Variants in IQCB1 observed in about 807,000 individuals in gnomAD.
IQCB1 encodes IQ motif containing B1.
IQCB1 carries 56 observed loss-of-function variants against 84.4 expected under a neutral mutation model. The observed-to-expected ratio is 0.66, with a 90% CI of 0.54 to 0.83. IQCB1 has a LOEUF of 0.83. IQCB1 is among the 40% of genes least tolerant of loss of function. IQCB1 has a pLI of 0.00. For synonymous variants in IQCB1, 210 were observed against 234.8 expected (o/e 0.89, Z 0.96); for missense variants, 629 against 682.1 (o/e 0.92, Z 0.87).
chr3:121,788,162 A>G (rs1412699337), intron 12 of IQCB1, 122 bp downstream of exon 12: 9 of 988,994 alleles, frequency 9.1e-6, no homozygotes, highest in South Asian at 5.4e-5. Context: ...AAAAGAAAAA[A>G]CTAAGGCTCA....
intron 5 of IQCB1, among the ~76,000 whole-genome samples, chr3:121,816,677 G>C (rs1950072890): frequency 6.6e-6 from 1 of 152,128 alleles, no homozygotes; most frequent in African/African-American, 2.4e-5. Context: ...CATCATTACT[G>C]GTCACTAGAG....
rs1201020029 is a variant in IQCB1, at chr3:121,826,179, G to A, written c.265C>T (p.His89Tyr). ...TISQLTQILS[H>Y]CCVGLEPGED... ...CCTGGCTCCAAGCCCACACAGCAAT[G>A]GCTGAAATAAGAGCACAAGTTCGTG... The change falls in exon 5 of 15, where the codon CAT becomes TAT. Residue 89 changes from histidine (H) to tyrosine (Y), a missense_variant and splice_region_variant. By Grantham distance (83) the His-to-Tyr change is moderately conservative. Transcript: ENST00000310864. 1 of 1,613,618 alleles carries A rather than the reference G, an allele frequency of 6.2e-7. No individual in the cohort carries two copies. Among genetic ancestry groups the A allele is most frequent in the East Asian group, 2.2e-5 (1 of 44,864 alleles).
intron 10 of IQCB1, among the ~76,000 whole-genome samples, chr3:121,793,612 G>T (rs921910631): frequency 2.0e-5 from 3 of 152,144 alleles, no homozygotes; most frequent in Non-Finnish European, 2.9e-5. Context: ...AATCCAACAG[G>T]TTAGAACCGC....
chr3:121,799,207 GTACTTTGTCTCAGTAAAATCAAAATT>G lies in IQCB1; in HGVS notation c.729_754del (p.Glu243AspfsTer12), dbSNP rs773848660. 5 of 1,607,286 alleles carry G rather than the reference GTACTTTGTCTCAGTAAAATCAAAATT, an allele frequency of 3.1e-6. No individual in the cohort carries two copies. In the African/African-American group the frequency reaches 6.7e-5, roughly 22 times the overall value. ...AATGAATGTACTACCTTTGTAGCAG[GTACTTTGTCTCAGTAAAATCAAAATT>G]TCCTGATGGGATTCAGCCATCAACA... is the stretch of plus-strand genomic sequence containing the variant. On this transcript the variant is annotated frameshift_variant, in exon 8 of 15. Transcript: ENST00000310864. LOFTEE classifies it high-confidence loss of function.
At chr3:121,828,669 T>C in intron 3 of IQCB1, 37 bp from the exon 4 acceptor site, 1 of 1,440,468 alleles carries the variant, frequency 6.9e-7, no homozygotes, top group Non-Finnish European at 9.7e-7. Context: ...TTATTTTTGC[T>C]TAATACATCC....
intron 6 of IQCB1, among the ~76,000 whole-genome samples, chr3:121,808,226 C>T (rs777379149): frequency 4.0e-5 from 6 of 151,834 alleles, no homozygotes; most frequent in Non-Finnish European, 5.9e-5. Flanking sequence ...TTTAATGATC[C>T]TTACAGAACT....
chr3:121,810,025 A>G (rs1266795402), intron 5 of IQCB1, among the ~76,000 whole-genome samples: 1 of 151,948 alleles, frequency 6.6e-6, no homozygotes, highest in Middle Eastern at 3.2e-3. Context: ...TACCTTTGCC[A>G]GAGTTTTACC....
At chr3:121,786,755 T>C (rs538525333) in intron 12 of IQCB1, among the ~76,000 whole-genome samples, 1 of 152,338 alleles carries the variant, frequency 6.6e-6, no homozygotes, top group South Asian at 2.1e-4. Flanking sequence ...GATATGTTCC[T>C]ATGATGACCC....
At chr3:121,809,322 A>G (rs1179584812) in intron 5 of IQCB1, among the ~76,000 whole-genome samples, 1 of 152,018 alleles carries the variant, frequency 6.6e-6, no homozygotes, top group Non-Finnish European at 1.5e-5. Context: ...AGCTTTTTAA[A>G]TACATCTATG....
At chr3:121,823,798 T>C (rs950246849) in intron 5 of IQCB1, among the ~76,000 whole-genome samples, 1 of 152,270 alleles carries the variant, frequency 6.6e-6, no homozygotes, top group South Asian at 2.1e-4. Context: ...ACATAGTAGA[T>C]ATAAAAAAAT....
At chr3:121,785,274 C>G (rs1948662082) in intron 12 of IQCB1, among the ~76,000 whole-genome samples, 1 of 149,002 alleles carries the variant, frequency 6.7e-6, no homozygotes, top group Non-Finnish European at 1.5e-5. Flanking sequence ...TTTTTTGAGG[C>G]AGGGTCTTAT....
In IQCB1 at chr3:121,808,854, A is replaced by G. The variant is rs141900278; in HGVS notation, c.487+62T>C. 485 of 1,002,086 alleles carry G rather than the reference A, an allele frequency of 4.8e-4. 3 individuals are homozygous for G. The African/African-American group carries it at 7.1e-3, about 15-fold the overall frequency. The allele number at this position is 1,002,086 out of a possible 1,614,324, so 62.1% of individuals were successfully genotyped here. A position where few individuals can be genotyped will look rare whatever the true frequency, so the allele number is the denominator to read the frequency against. On this transcript the variant is annotated intron_variant, in intron 6 of 14. Coordinates refer to ENST00000310864, the MANE Select transcript of IQCB1 (RefSeq NM_001023570.4). ...GTGGCATTTGTTTTTGGAAAAAACG[A>G]TCAAACTGTTAGCAGTTGACTCTAC...
chr3:121,789,526 T>C (rs1576558015), intron 11 of IQCB1, among the ~76,000 whole-genome samples: 1 of 152,058 alleles, frequency 6.6e-6, no homozygotes, highest in African/African-American at 2.4e-5. Context: ...CTAGAAAACA[T>C]CTATATTTAA....
intron 4 of IQCB1, among the ~76,000 whole-genome samples, chr3:121,828,251 T>A (rs1321295311): frequency 6.6e-6 from 1 of 152,128 alleles, no homozygotes; most frequent in Non-Finnish European, 1.5e-5. Context: ...AAAAAAATGA[T>A]CACCATCTTC....
intron 7 of IQCB1, among the ~76,000 whole-genome samples, chr3:121,800,277 T>C (rs1949354384): frequency 6.6e-6 from 1 of 151,970 alleles, no homozygotes; most frequent in Non-Finnish European, 1.5e-5. Context: ...CCTTTGACCC[T>C]GTATAAATAT....
At chr3:121,773,697 A>G (rs1948102745) in intron 13 of IQCB1, among the ~76,000 whole-genome samples, 1 of 152,180 alleles carries the variant, frequency 6.6e-6, no homozygotes, top group Admixed American at 6.5e-5. Context: ...ATGGCTAAAG[A>G]AGCACTTTAA....
chr3:121,770,193 G>A lies in IQCB1; in HGVS notation c.*152C>T. 1 of 619,416 alleles carries A rather than the reference G, an allele frequency of 1.6e-6. No individual in the cohort carries two copies. Among genetic ancestry groups the A allele is most frequent in the Non-Finnish European group, 2.9e-6 (1 of 348,098 alleles). The allele number at this position is 619,416 out of a possible 1,614,324, so 38.4% of individuals were successfully genotyped here. A position where few individuals can be genotyped will look rare whatever the true frequency, so the allele number is the denominator to read the frequency against. On this transcript the variant is annotated 3_prime_UTR_variant, in exon 15 of 15. Transcript: ENST00000310864. ...GAAAAAGAAAATTGAGAGAGAGGTA[G>A]AATATAACTCTTTGCTTACTGCAGG... is the stretch of plus-strand genomic sequence containing the variant.
intron 13 of IQCB1, among the ~76,000 whole-genome samples, chr3:121,780,883 T>TGA (rs10687174): frequency 0.24 from 35,967 of 148,714 alleles, 4,588 homozygotes; most frequent in Non-Finnish European, 0.28. Context: ...TGTGTGTGTG[T>TGA]GAGAGAGAGA....
rs770086649 is a variant in IQCB1 at position 121,781,739 on chromosome 3, A to G, written c.1410+4T>C. 6.2e-7 allele frequency: 1 copy of G among 1,612,782 alleles called. No homozygotes were observed. Among genetic ancestry groups the G allele is most frequent in the Non-Finnish European group, 8.5e-7 (1 of 1,178,964 alleles). On this transcript the variant is annotated splice_donor_region_variant and intron_variant, in intron 13 of 14. Coordinates refer to ENST00000310864, the MANE Select transcript of IQCB1 (RefSeq NM_001023570.4). ...AATACTGATATGGTACAGAAGCTTCATACCAAATGTCTTCTGACATAGTCA... is the reference window on the plus strand; with the variant it reads ...AATACTGATATGGTACAGAAGCTTCGTACCAAATGTCTTCTGACATAGTCA...
Sources: allele counts gnomAD v4.1 joint callset (sites outside exome capture counted in the v4.1 genomes callset), GRCh38; gene constraint gnomAD v4.1.1; transcripts MANE v1.5; gene names NCBI Gene and HGNC (gene_info 2026-07-23, HGNC 2026-07-21).